The following CD2AP variants were observed in gnomAD, a reference collection of about 807,000 sequenced individuals.
CD2AP encodes the protein CD2 associated protein.
A neutral mutation model predicts 85.1 loss-of-function variants in CD2AP; 46 were observed. The ratio of observed to expected loss-of-function variants is 0.54; its 90% confidence interval spans 0.43 to 0.69. The LOEUF is 0.69. Among genes scored for constraint, CD2AP ranks in the 30% least tolerant of loss-of-function variants. The pLI is 0.00. For synonymous variants in CD2AP, 255 were observed against 252.9 expected, an observed-to-expected ratio of 1.01 and a Z score of -0.08; for missense variants, 769 against 729.5, an observed-to-expected ratio of 1.05 and a Z score of -0.62.
At chr6:47,507,580 G>A (rs1766205969) in intron 2 of CD2AP, among the ~76,000 whole-genome samples, 1 of 151,924 alleles carries the variant, frequency 6.6e-6, no homozygotes, top group South Asian at 2.1e-4. Flanking sequence ...GCCTCCCCTT[G>A]GATTACAGGC....
intron 11 of CD2AP, among the ~76,000 whole-genome samples, chr6:47,584,211 T>A (rs2114111566): frequency 6.6e-6 from 1 of 152,304 alleles, no homozygotes; most frequent in South Asian, 2.1e-4. Flanking sequence ...AGAGCAGAAG[T>A]TTTAAATTTG....
intron 4 of CD2AP, among the ~76,000 whole-genome samples, chr6:47,549,460 C>CAAAAAAAAAAAAAAAAAAA (rs67626138): frequency 9.0e-6 from 1 of 110,712 alleles, no homozygotes; most frequent in Non-Finnish European, 1.8e-5. Context: ...ACAATAGCTG[C>CAAAAAAAAAAAAAAAAAAA]AAAAAAAAAA....
At chr6:47,482,691 T>C (rs1765474974) in intron 1 of CD2AP, among the ~76,000 whole-genome samples, 2 of 152,280 alleles carry the variant, frequency 1.3e-5, no homozygotes, top group African/African-American at 4.8e-5. Context: ...ATCTTTCTAA[T>C]TGAGGGATTT....
intron 16 of CD2AP, among the ~76,000 whole-genome samples, chr6:47,612,134 C>T (rs1019872135): frequency 6.6e-6 from 1 of 152,002 alleles, no homozygotes; most frequent in East Asian, 1.9e-4. Flanking sequence ...ATTCATTTTA[C>T]CAAATTGCTT....
intron 1 of CD2AP, among the ~76,000 whole-genome samples, chr6:47,497,145 G>T (rs62410680): frequency 6.6e-6 from 1 of 150,440 alleles, no homozygotes; most frequent in Non-Finnish European, 1.5e-5. Context: ...TGACCATGTC[G>T]TGTTTTTTTT....
At chr6:47,506,450 C>T (rs1285658463) in intron 2 of CD2AP, among the ~76,000 whole-genome samples, 75 of 33,030 alleles carry the variant, frequency 2.3e-3, no homozygotes, top group African/African-American at 8.3e-3. Context: ...CCAAGGCAGG[C>T]GGCTGGGAGG....
chr6:47,550,239 G>T (rs561802343), intron 4 of CD2AP, among the ~76,000 whole-genome samples: 1 of 152,156 alleles, frequency 6.6e-6, no homozygotes, highest in East Asian at 1.9e-4. Flanking sequence ...GCTTTTGTAT[G>T]GCAAAAGAAA....
intron 11 of CD2AP, among the ~76,000 whole-genome samples, chr6:47,589,437 T>TAC (rs1161563100): frequency 4.9e-5 from 6 of 121,780 alleles, no homozygotes; most frequent in African/African-American, 6.0e-5. Flanking sequence ...TATACACACA[T>TAC]ACACACACAC....
intron 2 of CD2AP, among the ~76,000 whole-genome samples, chr6:47,518,478 G>GTGTC (rs1766507269): frequency 6.6e-6 from 1 of 151,836 alleles, no homozygotes; most frequent in African/African-American, 2.4e-5. Flanking sequence ...TGGCTTTTTT[G>GTGTC]TGTCTGCTCT....
intron 1 of CD2AP, among the ~76,000 whole-genome samples, chr6:47,478,905 T>C (rs1765378476): frequency 6.6e-6 from 1 of 152,114 alleles, no homozygotes; most frequent in African/African-American, 2.4e-5. Flanking sequence ...TGTTTGGAGT[T>C]AGACTTCCTT....
At chr6:47,563,532 G>GT (rs1449420570) in intron 5 of CD2AP, among the ~76,000 whole-genome samples, 1 of 152,150 alleles carries the variant, frequency 6.6e-6, no homozygotes, top group African/African-American at 2.4e-5. Context: ...TCATGCATGC[G>GT]TAAGTGCAGC....
At chr6:47,497,927 ATT>A (rs892879455) in intron 1 of CD2AP, among the ~76,000 whole-genome samples, 5 of 152,100 alleles carry the variant, frequency 3.3e-5, no homozygotes, top group African/African-American at 9.7e-5. Context: ...TGTTCCTTAG[ATT>A]TGTTGCGCAG....
chr6:47,508,041 C>T (rs1766219611), intron 2 of CD2AP, among the ~76,000 whole-genome samples: 1 of 152,182 alleles, frequency 6.6e-6, no homozygotes, highest in South Asian at 2.1e-4. Flanking sequence ...ATAGTTTTAG[C>T]ATAATTCTTA....
intron 12 of CD2AP, among the ~76,000 whole-genome samples, chr6:47,598,543 A>G (rs1769013749): frequency 6.6e-6 from 1 of 151,114 alleles, no homozygotes; most frequent in African/African-American, 2.4e-5. Context: ...ATTGTGGTAT[A>G]TATATATACC....
intron 2 of CD2AP, among the ~76,000 whole-genome samples, chr6:47,507,689 C>T (rs1219932783): frequency 6.6e-6 from 1 of 152,176 alleles, no homozygotes; most frequent in Non-Finnish European, 1.5e-5. Context: ...TCGTGATCTG[C>T]CCGCCTTGGC....
intron 6 of CD2AP, among the ~76,000 whole-genome samples, chr6:47,576,155 A>G (rs187691206): frequency 1.2e-4 from 19 of 152,254 alleles, no homozygotes; most frequent in Admixed American, 4.6e-4. Context: ...GCTCACTTAT[A>G]ACCTTGAACT....
rs562254983 is a variant in CD2AP at position 47,608,179 on chromosome 6, A to G, written c.1632+151A>G. 7.8e-6 allele frequency: 5 copies of G among 643,048 alleles called. No homozygotes were observed. In the Admixed American group the frequency reaches 1.2e-4, roughly 16 times the overall value. 39.8% of individuals were successfully genotyped at this position (643,048 alleles called of 1,614,324 possible). Reference sequence around the variant, plus strand: ...CTAAAAAATTGAGTTGTTTAGCTTCATCAGACTATTTTCTGCAAATGTTTT... The same window carrying G: ...CTAAAAAATTGAGTTGTTTAGCTTCGTCAGACTATTTTCTGCAAATGTTTT... On this transcript the variant is annotated intron_variant, in intron 15 of 17. Transcript: ENST00000359314.
intron 15 of CD2AP, among the ~76,000 whole-genome samples, chr6:47,608,700 A>T (rs6908162): frequency 6.6e-6 from 1 of 151,898 alleles, no homozygotes; most frequent in African/African-American, 2.4e-5. Context: ...CTATGGACTC[A>T]TTTTAGTGAC....
chr6:47,573,997 T>G (rs564923108), intron 5 of CD2AP, 67 bp from the exon 6 acceptor site: 1 of 1,339,370 alleles, frequency 7.5e-7, no homozygotes, highest in African/African-American at 1.4e-5. Context: ...AATGTAGACA[T>G]TATGACAGGA....
Sources: gnomAD v4.1 joint callset for allele counts (sites outside exome capture counted in the v4.1 genomes callset) on GRCh38, gnomAD v4.1.1 for gene constraint, MANE v1.5 for transcripts, NCBI Gene and HGNC (gene_info 2026-07-23, HGNC 2026-07-21) for gene names.